Variants in RNF170 observed in about 807,000 individuals in gnomAD.
RNF170 encodes the protein E3 ubiquitin-protein ligase RNF170.
In RNF170, 12 loss-of-function variants were observed where a neutral mutation model predicts 32.7. The observed-to-expected ratio is 0.37, with a 90% CI of 0.24 to 0.60. The LOEUF is 0.60. Ranked by LOEUF, RNF170 falls within the 20% of genes least tolerant of loss-of-function variation. The probability of loss-of-function intolerance (pLI) is 0.72; values close to 1 mark genes in which losing one functional copy is unlikely to be tolerated. For missense variants in RNF170, 212 were observed against 311.2 expected, an observed-to-expected ratio of 0.68 and a Z score of 2.40; for synonymous variants, 91 against 103.6, an observed-to-expected ratio of 0.88 and a Z score of 0.74.
rs1003234076 is a variant in RNF170 at position 42,854,070 on chromosome 8, T to C, written c.*2089A>G. 2.3e-6 allele frequency: 3 copies of C among 1,287,208 alleles called. No individual in the cohort carries two copies. Among genetic ancestry groups the C allele is most frequent in the Admixed American group, 2.3e-5 (1 of 43,552 alleles). The allele number at this position is 1,287,208 out of a possible 1,614,324, so 79.7% of individuals were successfully genotyped here. On this transcript the variant is annotated 3_prime_UTR_variant, in exon 7 of 7. Coordinates refer to ENST00000527424, the MANE Select transcript of RNF170 (RefSeq NM_030954.4). ...ACATGGCAGTGTGACAAACTCCTACTCACTCGCTTTTCAAGTTGGTGACTG... is the reference window on the plus strand; with the variant it reads ...ACATGGCAGTGTGACAAACTCCTACCCACTCGCTTTTCAAGTTGGTGACTG...
rs561703316 is a variant in RNF170, at chr8:42,854,033, T to C, written c.*2126A>G. ...AATGTGTAATTGGTAGGAAATGCAT[T>C]TCCAGTCTGGTACATGGCAGTGTGA... is the stretch of plus-strand genomic sequence containing the variant. On this transcript the variant is annotated 3_prime_UTR_variant, in exon 7 of 7. Coordinates refer to ENST00000527424, the MANE Select transcript of RNF170 (RefSeq NM_030954.4). 1 of 1,287,238 alleles carries C rather than the reference T, an allele frequency of 7.8e-7. No individual in the cohort carries two copies. The highest frequency in any genetic ancestry group is 1.5e-5 in the African/African-American group (1 of 65,924). 79.7% of individuals were successfully genotyped at this position (1,287,238 alleles called of 1,614,324 possible).
intron 2 of RNF170, among the ~76,000 whole-genome samples, chr8:42,876,395 T>G (rs1244053429): frequency 6.6e-6 from 1 of 151,594 alleles, no homozygotes; most frequent in African/African-American, 2.4e-5. Context: ...CTTTGGGAGG[T>G]AATTAGGTCA....
At chr8:42,858,488 C>T (rs747299405) in intron 6 of RNF170, among the ~76,000 whole-genome samples, 5 of 152,066 alleles carry the variant, frequency 3.3e-5, no homozygotes, top group South Asian at 4.1e-4. Flanking sequence ...GTTGGAAACT[C>T]GGCAGTGGTA....
intron 2 of RNF170, among the ~76,000 whole-genome samples, chr8:42,878,736 A>AG (rs1197972824): frequency 6.6e-6 from 1 of 152,250 alleles, no homozygotes; most frequent in East Asian, 1.9e-4. Context: ...TTTATGTAGA[A>AG]GAAACAGTTT....
chr8:42,875,706 A>G (rs1804870024), intron 2 of RNF170, among the ~76,000 whole-genome samples: 1 of 152,134 alleles, frequency 6.6e-6, no homozygotes, highest in Non-Finnish European at 1.5e-5. Context: ...CCTCCTGAGT[A>G]GCTGGGATTA....
intron 1 of RNF170, among the ~76,000 whole-genome samples, chr8:42,893,159 G>C (rs1199183585): frequency 1.3e-5 from 2 of 152,128 alleles, no homozygotes; most frequent in African/African-American, 4.8e-5. Flanking sequence ...GTAGTGCGCA[G>C]GGTCTTACAT....
downstream of RNF170, chr8:42,850,085 G>A (rs958590133): frequency 6.5e-6 from 1 of 153,668 alleles, no homozygotes; most frequent in African/African-American, 2.4e-5. Context: ...CCCGGCGGAG[G>A]AGCCTAGCAG....
chr8:42,872,172 G>C (rs182290835), intron 3 of RNF170, among the ~76,000 whole-genome samples: 123 of 152,330 alleles, frequency 8.1e-4, no homozygotes, highest in African/African-American at 2.7e-3. Context: ...AGGTGAGGCA[G>C]TTGAGTGGAC....
rs931903836 is a variant in RNF170 at position 42,853,498 on chromosome 8, C to G, written c.*2661G>C. ...AATTGTAGTAGTTGAAACCACTGTT[C>G]TAGTGGGCAGTTAGAACAGTTGTTT... On this transcript the variant is annotated 3_prime_UTR_variant, in exon 7 of 7. Transcript: ENST00000527424. 7.8e-7 allele frequency: 1 copy of G among 1,287,090 alleles called. No homozygotes were observed. The allele number at this position is 1,287,090 out of a possible 1,614,324, so 79.7% of individuals were successfully genotyped here. A position where few individuals can be genotyped will look rare whatever the true frequency, so the allele number is the denominator to read the frequency against.
intron 2 of RNF170, among the ~76,000 whole-genome samples, chr8:42,882,645 T>C (rs1015456413): frequency 2.0e-4 from 30 of 152,206 alleles, no homozygotes; most frequent in African/African-American, 7.2e-4. Context: ...ATGATTCTAC[T>C]TTATGAGGTG....
chr8:42,884,788 G>A (rs368798372), intron 2 of RNF170, among the ~76,000 whole-genome samples: 1 of 146,248 alleles, frequency 6.8e-6, no homozygotes, highest in Non-Finnish European at 1.5e-5. Flanking sequence ...TGCAACCTCT[G>A]CTTCCCAGGT....
chr8:42,851,629 T>G (rs1243723480), downstream of RNF170, among the ~76,000 whole-genome samples: 2 of 151,874 alleles, frequency 1.3e-5, no homozygotes, highest in Admixed American at 6.6e-5. Flanking sequence ...AACACCGAAT[T>G]AAGCTTGCAC....
intron 4 of RNF170, among the ~76,000 whole-genome samples, chr8:42,865,721 C>T (rs1450536318): frequency 1.3e-5 from 2 of 152,160 alleles, no homozygotes; most frequent in African/African-American, 4.8e-5. Flanking sequence ...CAGTGGCTCA[C>T]GTCTGTTATC....
In RNF170 at chr8:42,856,268, G is replaced by C. The variant is rs754103678; in HGVS notation, c.668C>G (p.Ala223Gly). The part of the protein sequence containing the change: ...LISPLDFVPE[A>G]LFGILGFLDD... ...TAGAAAGCCTAGAATTCCAAACAAG[G>C]CTTCAGGTACAAAATCTAGAGGTGA... Residue 223 changes from alanine (A) to glycine (G), a missense_variant, in exon 7 of 7, where the codon GCC (alanine) becomes GGC (glycine). Physicochemically the swap from Ala to Gly is moderately conservative, Grantham distance 60 (BLOSUM62 0). Transcript: ENST00000527424. The C allele has an allele frequency of 6.2e-7, 1 of 1,604,792 alleles. No homozygotes were observed. Among genetic ancestry groups the C allele is most frequent in the South Asian group, 1.1e-5 (1 of 89,124 alleles).
chr8:42,862,376 T>A (rs1019852868), intron 5 of RNF170, among the ~76,000 whole-genome samples: 2 of 152,198 alleles, frequency 1.3e-5, no homozygotes, highest in Non-Finnish European at 2.9e-5. Context: ...AAAAAAGAAA[T>A]TTTTGATATT....
intron 4 of RNF170, among the ~76,000 whole-genome samples, chr8:42,868,738 G>A (rs1244821659): frequency 6.6e-6 from 1 of 151,868 alleles, no homozygotes; most frequent in African/African-American, 2.4e-5. Context: ...TGTAATCCTA[G>A]CTGCTTGGGA....
chr8:42,882,225 T>C (rs192796687), intron 2 of RNF170, among the ~76,000 whole-genome samples: 2 of 152,316 alleles, frequency 1.3e-5, no homozygotes, highest in Admixed American at 6.5e-5. Context: ...AATTACTTTA[T>C]GACCCAGAAA....
intron 2 of RNF170, among the ~76,000 whole-genome samples, chr8:42,882,849 C>T (rs1449274445): frequency 6.6e-6 from 1 of 151,990 alleles, no homozygotes; most frequent in Non-Finnish European, 1.5e-5. Flanking sequence ...ATTGCTTGAG[C>T]CCAGGAGTTC....
At chr8:42,896,991 G>T (rs539874332), upstream of RNF170, 1,027 of 515,522 alleles carry the variant, frequency 2.0e-3, 1 homozygote, top group Non-Finnish European at 2.8e-3. Flanking sequence ...GCCGCTGCCA[G>T]CGCTGGGCGA....
Sources: allele counts gnomAD v4.1 joint callset (sites outside exome capture counted in the v4.1 genomes callset), GRCh38; gene constraint gnomAD v4.1.1; transcripts MANE v1.5; gene names NCBI Gene and HGNC (gene_info 2026-07-23, HGNC 2026-07-21).